The following STIM2 variants were observed in gnomAD, a reference collection of about 807,000 sequenced individuals.
STIM2 encodes the protein stromal interaction molecule 2.
STIM2 carries 31 observed loss-of-function variants against 85.8 expected under a neutral mutation model. The observed-to-expected ratio is 0.36, with a 90% confidence interval of 0.27 to 0.49. The LOEUF is 0.49. STIM2 is among the 20% of genes least tolerant of loss of function. The probability of loss-of-function intolerance (pLI) is 0.98; values close to 1 mark genes in which losing one functional copy is unlikely to be tolerated. For missense variants in STIM2, 841 were observed against 927.6 expected (o/e 0.91, Z 1.21); for synonymous variants, 356 against 331.1 (o/e 1.08, Z -0.82).
At chr4:26,974,482 C>A (rs909173126) in intron 3 of STIM2, among the ~76,000 whole-genome samples, 2 of 152,166 alleles carry the variant, frequency 1.3e-5, no homozygotes, top group Non-Finnish European at 2.9e-5. Context: ...GATTTTATTT[C>A]TCCTTCAGTT....
chr4:26,958,836 T>A (rs1726344609), intron 3 of STIM2, among the ~76,000 whole-genome samples: 1 of 152,114 alleles, frequency 6.6e-6, no homozygotes, highest in South Asian at 2.1e-4. Context: ...ACGACATAGC[T>A]CAGCAATCCA....
intron 3 of STIM2, among the ~76,000 whole-genome samples, chr4:26,960,041 C>G (rs1726389149): frequency 1.3e-5 from 2 of 152,128 alleles, no homozygotes; most frequent in South Asian, 4.1e-4. Context: ...ATGTCAGACT[C>G]TGTTTATTAA....
chr4:26,934,380 TCA>T (rs1255147490), intron 2 of STIM2, among the ~76,000 whole-genome samples: 3 of 152,148 alleles, frequency 2.0e-5, no homozygotes, highest in African/African-American at 7.2e-5. Context: ...ATATTATAAG[TCA>T]CACAGATTTC....
intron 1 of STIM2, among the ~76,000 whole-genome samples, chr4:26,867,589 A>G (rs1160149250): frequency 6.6e-6 from 1 of 152,244 alleles, no homozygotes; most frequent in Non-Finnish European, 1.5e-5. Flanking sequence ...CCCCTTAGCT[A>G]TGAATAACAA....
At position 26,887,162 on chromosome 4, in the gene STIM2, G is replaced by A. The variant is rs958022421; in HGVS notation, c.151+25793G>A. ...TGCTGAATGTTACAAGATACAATAAGCACCAAACCAAATAATTAAACTTTT... is the reference window on the plus strand; with the variant it reads ...TGCTGAATGTTACAAGATACAATAAACACCAAACCAAATAATTAAACTTTT... On this transcript the variant is annotated intron_variant, in intron 1 of 11. Transcript: ENST00000467087. 5.8e-5 allele frequency among the ~76,000 whole-genome samples: 8 copies of A among 139,094 alleles called. No homozygotes were observed. The East Asian group carries it at 1.8e-3, about 31-fold the overall frequency. The allele number at this position is 139,094 out of a possible 152,430, so 91.3% of individuals were successfully genotyped here.
chr4:26,878,958 C>G (rs759208482), intron 1 of STIM2, among the ~76,000 whole-genome samples: 1 of 152,180 alleles, frequency 6.6e-6, no homozygotes, highest in African/African-American at 2.4e-5. Context: ...ATCCTCCCCC[C>G]ACACATGAGG....
intron 3 of STIM2, among the ~76,000 whole-genome samples, chr4:26,960,171 A>T (rs184019237): frequency 1.3e-5 from 2 of 152,112 alleles, no homozygotes; most frequent in Admixed American, 6.6e-5. Flanking sequence ...TTTATCTGTT[A>T]TATTTTGTTT....
intron 3 of STIM2, among the ~76,000 whole-genome samples, chr4:26,970,579 C>CT (rs963981693): frequency 6.6e-6 from 1 of 152,136 alleles, no homozygotes; most frequent in African/African-American, 2.4e-5. Context: ...TGAACTCATC[C>CT]TTTTTTATGG....
At position 27,017,846 on chromosome 4, in the gene STIM2, G is replaced by A. The variant is rs143107481; in HGVS notation, c.1625G>A (p.Arg542Gln). 1.1e-5 allele frequency: 17 copies of A among 1,613,772 alleles called. No homozygotes were observed. The highest frequency in any genetic ancestry group is 8.0e-5 in the African/African-American group (6 of 74,796). ...CACGCCCCCCACCCGTCACACCCTC[G>A]GCACCCTCACCACCCGCAACACACA... The change falls in exon 11 of 12, where the codon CGG (arginine) becomes CAG (glutamine). Residue 542 changes from arginine (R) to glutamine (Q), a missense_variant. Arg to Gln is a conservative substitution (Grantham distance 43). This residue lies in a region of STIM2 where 293 missense variants were observed against 284.5 expected (regional missense o/e 1.03). Transcript: ENST00000467087.
intron 1 of STIM2, among the ~76,000 whole-genome samples, chr4:26,906,673 G>C (rs1560202441): frequency 6.6e-6 from 1 of 152,044 alleles, no homozygotes; most frequent in Non-Finnish European, 1.5e-5. Flanking sequence ...CCTAGCATGT[G>C]ATACCTCATT....
Position 27,023,951 on chromosome 4 carries a change from TGAA to T in STIM2, c.*958_*960del, listed in dbSNP as rs1729000467. ...GTGTACTGTGGAAAAGATAATAAAT[TGAA>T]GACATTATTGTGTGGGATTGTGCTG... is the stretch of plus-strand genomic sequence containing the variant. On this transcript the variant is annotated 3_prime_UTR_variant, in exon 12 of 12. Coordinates refer to ENST00000467087, the MANE Select transcript of STIM2 (RefSeq NM_020860.4). The T allele has an allele frequency of 6.6e-6, 1 of 152,616 alleles. No individual in the cohort carries two copies. Among genetic ancestry groups the T allele is most frequent in the African/African-American group, 2.4e-5 (1 of 41,448 alleles). 9.5% of individuals were successfully genotyped at this position (152,616 alleles called of 1,614,324 possible). A position where few individuals can be genotyped will look rare whatever the true frequency, so the allele number is the denominator to read the frequency against.
chr4:26,885,861 A>G (rs1262917164), intron 1 of STIM2, among the ~76,000 whole-genome samples: 1,354 of 77,634 alleles, frequency 0.017, 44 homozygotes, highest in African/African-American at 0.071. Flanking sequence ...ATATATATAT[A>G]TATATATATA....
At chr4:27,008,629 T>C in intron 9 of STIM2, 101 bp downstream of exon 9, 2 of 1,120,520 alleles carry the variant, frequency 1.8e-6, no homozygotes, top group Non-Finnish European at 2.6e-6. Context: ...TTACATAATT[T>C]ACATTAGTTT....
At chr4:26,912,397 A>G (rs1724379441) in intron 1 of STIM2, among the ~76,000 whole-genome samples, 1 of 152,176 alleles carries the variant, frequency 6.6e-6, no homozygotes, top group Non-Finnish European at 1.5e-5. Flanking sequence ...TAAAGACTTC[A>G]CTTACTTTTT....
At chr4:26,880,442 T>C (rs950818285) in intron 1 of STIM2, among the ~76,000 whole-genome samples, 1 of 151,878 alleles carries the variant, frequency 6.6e-6, no homozygotes, top group Non-Finnish European at 1.5e-5. Context: ...AATATGCTTA[T>C]TAACTTGTTA....
At chr4:26,884,058 A>G (rs578094874) in intron 1 of STIM2, among the ~76,000 whole-genome samples, 16 of 152,334 alleles carry the variant, frequency 1.1e-4, no homozygotes, top group Admixed American at 6.5e-4. Context: ...GGTATTAGAT[A>G]CCTGAGTTCC....
chr4:26,996,254 ATTAAT>A (rs953624682), intron 4 of STIM2, among the ~76,000 whole-genome samples: 1 of 151,966 alleles, frequency 6.6e-6, no homozygotes, highest in African/African-American at 2.4e-5. Context: ...ATAATTTTTA[ATTAAT>A]TTAATTAACT....
chr4:27,000,208 A>G (rs777379647), intron 5 of STIM2, among the ~76,000 whole-genome samples: 10 of 152,158 alleles, frequency 6.6e-5, no homozygotes, highest in Non-Finnish European at 1.0e-4. Flanking sequence ...TGGCCCTTCT[A>G]AAAAAGGGTA....
intron 2 of STIM2, among the ~76,000 whole-genome samples, chr4:26,946,271 C>A (rs1451110543): frequency 1.3e-5 from 2 of 152,094 alleles, no homozygotes; most frequent in East Asian, 3.9e-4. Context: ...CACCTTATAT[C>A]AAAAATAAAC....
Sources: allele counts gnomAD v4.1 joint callset (sites outside exome capture counted in the v4.1 genomes callset), GRCh38; gene constraint gnomAD v4.1.1; regional missense constraint gnomAD v4.1.1; transcripts MANE v1.5; gene names NCBI Gene and HGNC (gene_info 2026-07-23, HGNC 2026-07-21).